The following DPP6 variants were observed in gnomAD, a reference collection of about 807,000 sequenced individuals.
DPP6 encodes the protein A-type potassium channel modulatory protein DPP6.
A neutral mutation model predicts 122.6 loss-of-function variants in DPP6; 69 were observed. The observed-to-expected ratio is 0.56, with a 90% CI of 0.46 to 0.69. The LOEUF is 0.69. Among genes scored for constraint, DPP6 ranks in the 30% least tolerant of loss-of-function variants. The pLI, the probability that DPP6 is intolerant of heterozygous loss-of-function variation, is 0.00. For synonymous variants in DPP6, 418 were observed against 433.1 expected, an observed-to-expected ratio of 0.97 and a Z score of 0.43; for missense variants, 928 against 1,116.9, an observed-to-expected ratio of 0.83 and a Z score of 2.41.
chr7:154,248,542 G>T (rs1377958380), intron 1 of DPP6, among the ~76,000 whole-genome samples: 2 of 152,176 alleles, frequency 1.3e-5, no homozygotes, highest in Non-Finnish European at 2.9e-5. Context: ...TTGAGGGTAT[G>T]CACCAAATGA....
the DPP6 span, among the ~76,000 whole-genome samples, chr7:153,754,037 A>G: frequency 6.6e-6 from 1 of 152,162 alleles, no homozygotes; most frequent in African/African-American, 2.4e-5. Flanking sequence ...GCCTCTACCC[A>G]CAGGAGTTTG....
Position 154,868,147 on chromosome 7 carries a change from G to A in DPP6, c.1813+54G>A, listed in dbSNP as rs78407243. 356 of 1,549,450 alleles carry A rather than the reference G, an allele frequency of 2.3e-4. 4 individuals are homozygous for A. The East Asian group carries it at 8.1e-3, about 35-fold the overall frequency. On this transcript the variant is annotated intron_variant, in intron 18 of 25. Transcript: ENST00000377770. The stretch of plus-strand genomic sequence containing the variant: ...GAAAAAGAAAAAGAAAACGTGGGCT[G>A]TGACACAGTGCAGTCATCAGCAGCA...
chr7:154,769,914 G>A (rs1796152535), intron 9 of DPP6, among the ~76,000 whole-genome samples: 1 of 152,144 alleles, frequency 6.6e-6, no homozygotes, highest in African/African-American at 2.4e-5. Flanking sequence ...TGGCCTCTGG[G>A]AAGGCAGAAA....
intron 1 of DPP6, among the ~76,000 whole-genome samples, chr7:153,919,559 A>G (rs930368733): frequency 6.6e-6 from 1 of 152,246 alleles, no homozygotes; most frequent in African/African-American, 2.4e-5. Context: ...GTAGGAAAGC[A>G]GAAATGGTAA....
chr7:153,879,337 C>T, the DPP6 span, among the ~76,000 whole-genome samples: 1 of 152,104 alleles, frequency 6.6e-6, no homozygotes, highest in African/African-American at 2.4e-5. Context: ...CTTAAAATAC[C>T]AGCCCAAGCT....
At chr7:154,791,014 G>A (rs1797641676) in intron 10 of DPP6, among the ~76,000 whole-genome samples, 1 of 152,170 alleles carries the variant, frequency 6.6e-6, no homozygotes, top group Admixed American at 6.5e-5. Flanking sequence ...CACTTTGGGA[G>A]GCCGAGGCTG....
intron 6 of DPP6, among the ~76,000 whole-genome samples, chr7:154,663,707 G>A (rs1290528362): frequency 1.9e-5 from 1 of 53,740 alleles, no homozygotes; most frequent in African/African-American, 3.8e-5. Flanking sequence ...CGGCCGTAGT[G>A]TTCATATAGT....
At chr7:153,918,427 AACACACAC>A (rs5888535) in intron 1 of DPP6, among the ~76,000 whole-genome samples, 5,314 of 110,496 alleles carry the variant, frequency 0.048, 223 homozygotes, top group African/African-American at 0.07. Flanking sequence ...AGTTAATTAA[AACACACAC>A]ACACACACAC....
intron 17 of DPP6, among the ~76,000 whole-genome samples, chr7:154,864,711 T>C (rs1388278243): frequency 1.3e-5 from 2 of 152,220 alleles, no homozygotes; most frequent in Non-Finnish European, 2.9e-5. Flanking sequence ...AAATCTAATA[T>C]TTAACTAAAT....
intron 6 of DPP6, among the ~76,000 whole-genome samples, chr7:154,654,086 T>C (rs1412057757): frequency 1.3e-5 from 2 of 152,180 alleles, no homozygotes; most frequent in African/African-American, 4.8e-5. Flanking sequence ...AGCAATTACA[T>C]TGAATTAGGG....
chr7:154,621,557 C>G (rs10270835), intron 5 of DPP6, among the ~76,000 whole-genome samples: 1 of 151,774 alleles, frequency 6.6e-6, no homozygotes, highest in South Asian at 2.1e-4. Flanking sequence ...TTAGTAGAGA[C>G]GGTTTCGCCA....
At chr7:154,585,617 A>C (rs1366560135) in intron 5 of DPP6, among the ~76,000 whole-genome samples, 1 of 152,228 alleles carries the variant, frequency 6.6e-6, no homozygotes, top group African/African-American at 2.4e-5. Context: ...TATAACCTAC[A>C]CACATCCTTC....
At chr7:153,933,211 A>C (rs1801256166) in intron 1 of DPP6, among the ~76,000 whole-genome samples, 1 of 152,202 alleles carries the variant, frequency 6.6e-6, no homozygotes, top group Non-Finnish European at 1.5e-5. Context: ...CTCAACGGTA[A>C]ACAAGATTTT....
intron 20 of DPP6, 73 bp from the exon 21 acceptor site, chr7:154,880,815 G>T (rs1182545631): frequency 6.2e-7 from 1 of 1,613,340 alleles, no homozygotes; most frequent in Non-Finnish European, 8.5e-7. Flanking sequence ...GGAAAACATG[G>T]CTCTGGGCTA....
At chr7:154,242,944 G>A (rs1801723940) in intron 1 of DPP6, among the ~76,000 whole-genome samples, 1 of 152,182 alleles carries the variant, frequency 6.6e-6, no homozygotes, top group South Asian at 2.1e-4. Context: ...CAGCCAGAAT[G>A]GAGAGAACTC....
chr7:154,292,477 A>T (rs538891118), intron 1 of DPP6, among the ~76,000 whole-genome samples: 1 of 152,312 alleles, frequency 6.6e-6, no homozygotes, highest in East Asian at 1.9e-4. Flanking sequence ...TCACTATGAA[A>T]CCAATTCATT....
Position 154,403,512 on chromosome 7 carries a change from C to T in DPP6, c.244-42702C>T, listed in dbSNP as rs1446869484. Among the ~76,000 whole-genome samples, 1 of 152,194 alleles carries T rather than the reference C, an allele frequency of 6.6e-6. No individual in the cohort carries two copies. The highest frequency in any genetic ancestry group is 1.5e-5 in the Non-Finnish European group (1 of 68,028). On this transcript the variant is annotated intron_variant, in intron 1 of 25. Transcript: ENST00000377770. This position sits in a 1 kb window ranked among gnomAD's most constrained non-coding sequence, Gnocchi z 4.1. ...GCTAATGCAGCTTTCTCTCCTGGAG[C>T]CTCTCATCTCCACCTGCTGCGGAAG...
At chr7:153,986,632 A>G (rs1219583510) in intron 1 of DPP6, among the ~76,000 whole-genome samples, 1 of 152,244 alleles carries the variant, frequency 6.6e-6, no homozygotes, top group African/African-American at 2.4e-5. Context: ...AGATGCCACA[A>G]CATTGAATGC....
intron 1 of DPP6, among the ~76,000 whole-genome samples, chr7:153,917,842 T>G (rs1156326395): frequency 6.6e-6 from 1 of 152,240 alleles, no homozygotes; most frequent in Non-Finnish European, 1.5e-5. Flanking sequence ...TACTTTTATC[T>G]TTCCATTCAT....
Sources: allele counts gnomAD v4.1 joint callset (sites outside exome capture counted in the v4.1 genomes callset), GRCh38; gene constraint gnomAD v4.1.1; non-coding constraint Gnocchi (gnomAD v3.1); transcripts MANE v1.5; gene names NCBI Gene and HGNC (gene_info 2026-07-23, HGNC 2026-07-21).